The following SPATS2L variants were observed in gnomAD, a reference collection of about 807,000 sequenced individuals.
SPATS2L encodes the protein SPATS2-like protein.
SPATS2L carries 30 observed loss-of-function variants against 59.6 expected under a neutral mutation model. That is an observed-to-expected ratio of 0.50 (90% confidence interval 0.38 to 0.68). SPATS2L has a LOEUF of 0.68. Among genes scored for constraint, SPATS2L ranks in the 30% least tolerant of loss-of-function variants. The pLI is 0.00. For missense variants in SPATS2L, 615 were observed against 700.0 expected, an observed-to-expected ratio of 0.88 and a Z score of 1.37; for synonymous variants, 252 against 263.5, an observed-to-expected ratio of 0.96 and a Z score of 0.42.
intron 2 of SPATS2L, among the ~76,000 whole-genome samples, chr2:200,350,899 T>G (rs2080703364): frequency 6.6e-6 from 1 of 152,140 alleles, no homozygotes; most frequent in Non-Finnish European, 1.5e-5. Flanking sequence ...TGAGTGTGGT[T>G]AATTTTTTTT....
At chr2:200,456,774 T>A (rs1270502572) in intron 8 of SPATS2L, among the ~76,000 whole-genome samples, 1 of 152,282 alleles carries the variant, frequency 6.6e-6, no homozygotes, top group East Asian at 1.9e-4. Context: ...GCCAGTCTTG[T>A]GTCACATGCA....
At chr2:200,443,789 G>C (rs974983967) in intron 8 of SPATS2L, among the ~76,000 whole-genome samples, 1 of 152,152 alleles carries the variant, frequency 6.6e-6, no homozygotes, top group Non-Finnish European at 1.5e-5. Context: ...GAGAGGCTGG[G>C]AGCAAGCTGT....
intron 12 of SPATS2L, 143 bp downstream of exon 12, chr2:200,473,195 A>T: frequency 1.3e-6 from 1 of 774,660 alleles, no homozygotes. Flanking sequence ...CTCCCCACCC[A>T]GCAGCACTGC....
intron 3 of SPATS2L, among the ~76,000 whole-genome samples, chr2:200,411,226 T>A (rs900168653): frequency 6.6e-6 from 1 of 152,060 alleles, no homozygotes; most frequent in Non-Finnish European, 1.5e-5. Flanking sequence ...TACTCTTACA[T>A]GCAGATCTGT....
At chr2:200,356,428 A>G (rs1274942838) in intron 2 of SPATS2L, among the ~76,000 whole-genome samples, 3 of 152,234 alleles carry the variant, frequency 2.0e-5, no homozygotes, top group Non-Finnish European at 4.4e-5. Context: ...TAAAGCCAGA[A>G]GTAAAAAAAT....
intron 2 of SPATS2L, among the ~76,000 whole-genome samples, chr2:200,350,667 G>C (rs909174638): frequency 1.3e-5 from 2 of 152,108 alleles, no homozygotes; most frequent in East Asian, 1.9e-4. Flanking sequence ...GGGACTACAG[G>C]TGTGTGCCAC....
intron 6 of SPATS2L, among the ~76,000 whole-genome samples, chr2:200,421,737 C>T (rs1163041294): frequency 6.6e-6 from 1 of 152,142 alleles, no homozygotes; most frequent in Non-Finnish European, 1.5e-5. Flanking sequence ...ATTCAATTTT[C>T]ACTGTGCCTA....
At chr2:200,461,270 G>A (rs1367530200) in intron 9 of SPATS2L, 3 of 152,118 alleles carry the variant, frequency 2.0e-5, no homozygotes, top group Admixed American at 2.0e-4. Flanking sequence ...TTTAAATAAT[G>A]AACACGCTCA....
chr2:200,432,064 A>G (rs900727756), intron 6 of SPATS2L, among the ~76,000 whole-genome samples: 1 of 152,242 alleles, frequency 6.6e-6, no homozygotes, highest in Non-Finnish European at 1.5e-5. Context: ...TTTCAAGAGA[A>G]AGAAAGGCAT....
intron 5 of SPATS2L, 108 bp downstream of exon 5, chr2:200,416,536 TA>T: frequency 2.0e-6 from 1 of 489,046 alleles, no homozygotes; most frequent in Non-Finnish European, 3.5e-6. Flanking sequence ...AGTATGTTAA[TA>T]TATACACCCA....
At chr2:200,382,978 A>T (rs1294032273) in intron 2 of SPATS2L, among the ~76,000 whole-genome samples, 1 of 152,200 alleles carries the variant, frequency 6.6e-6, no homozygotes, top group East Asian at 1.9e-4. Context: ...ATTAAGGAAG[A>T]GGCTCTTTCT....
intron 8 of SPATS2L, among the ~76,000 whole-genome samples, chr2:200,457,917 A>G (rs997812420): frequency 6.6e-6 from 1 of 152,262 alleles, no homozygotes; most frequent in Non-Finnish European, 1.5e-5. Flanking sequence ...GCAAAAGTAC[A>G]TCTGATGGAG....
intron 3 of SPATS2L, chr2:200,393,165 G>A: frequency 2.2e-6 from 1 of 456,364 alleles, no homozygotes; most frequent in Non-Finnish European, 4.4e-6. Context: ...AATATCTGTT[G>A]AGATAGAACA....
chr2:200,314,464 A>T (rs1281566360), intron 1 of SPATS2L, among the ~76,000 whole-genome samples: 1 of 151,634 alleles, frequency 6.6e-6, no homozygotes, highest in African/African-American at 2.4e-5. Context: ...TTTGTTCCTC[A>T]TACTGCTGCC....
chr2:200,389,455 GA>G, intron 3 of SPATS2L, 172 bp downstream of exon 3: 1 of 525,726 alleles, frequency 1.9e-6, no homozygotes. Flanking sequence ...AACATTTACT[GA>G]AAGCATGTTA....
intron 2 of SPATS2L, among the ~76,000 whole-genome samples, chr2:200,344,494 C>T (rs2080444336): frequency 6.6e-6 from 1 of 152,090 alleles, no homozygotes; most frequent in South Asian, 2.1e-4. Flanking sequence ...AGGTTGATTC[C>T]ATGTCTTTGC....
Position 200,477,742 on chromosome 2 carries a change from G to A in SPATS2L, c.1388G>A (p.Gly463Glu), listed in dbSNP as rs1225722106. The change falls in exon 13 of 13, where the codon GGA becomes GAA. Residue 463 changes from glycine to glutamate, a missense_variant. This residue lies in a region of SPATS2L where 284 missense variants were observed against 280.1 expected (regional missense o/e 1.01). Coordinates refer to ENST00000409140, the MANE Select transcript of SPATS2L (RefSeq NM_001100423.2). The part of the protein sequence containing the change: ...QGSGNEAEPL[G>E]KGNSRHEHRR... Reference sequence around the variant, plus strand: ...AGTGGGAATGAAGCCGAGCCACTGGGAAAGGGCAACAGCCGCCACGAACAC... The same window carrying A: ...AGTGGGAATGAAGCCGAGCCACTGGAAAAGGGCAACAGCCGCCACGAACAC... 1.3e-6 allele frequency: 2 copies of A among 1,577,646 alleles called. No individual in the cohort carries two copies. Among genetic ancestry groups the A allele is most frequent in the Non-Finnish European group, 8.6e-7 (1 of 1,161,790 alleles).
At chr2:200,439,950 C>G (rs1001020194) in intron 7 of SPATS2L, among the ~76,000 whole-genome samples, 2 of 152,302 alleles carry the variant, frequency 1.3e-5, no homozygotes, top group East Asian at 3.9e-4. Context: ...TTTCATTCAG[C>G]CTCAGTTGTA....
At chr2:200,354,182 TGAAGG>T (rs2080832103) in intron 2 of SPATS2L, among the ~76,000 whole-genome samples, 1 of 152,184 alleles carries the variant, frequency 6.6e-6, no homozygotes, top group Non-Finnish European at 1.5e-5. Flanking sequence ...TGGAATTTAG[TGAAGG>T]CTCTCTGCTC....
Sources: allele counts gnomAD v4.1 joint callset (sites outside exome capture counted in the v4.1 genomes callset), GRCh38; gene constraint gnomAD v4.1.1; regional missense constraint gnomAD v4.1.1; transcripts MANE v1.5; gene names NCBI Gene and HGNC (gene_info 2026-07-23, HGNC 2026-07-21).